Variants in FSTL4 observed in about 807,000 individuals in gnomAD.
FSTL4 encodes the protein follistatin like 4.
Under a neutral mutation model 78.2 loss-of-function variants are expected in FSTL4, and 28 were observed. That is an observed-to-expected ratio of 0.36 (90% CI 0.27 to 0.49). FSTL4 has a LOEUF of 0.49. Among genes scored for constraint, FSTL4 ranks in the 20% least tolerant of loss-of-function variants. The pLI is 0.98. For synonymous variants in FSTL4, 422 were observed against 440.5 expected (o/e 0.96, Z 0.53); for missense variants, 922 against 1,084.9 (o/e 0.85, Z 2.11).
intron 3 of FSTL4, among the ~76,000 whole-genome samples, chr5:133,434,645 GA>G (rs1031832459): frequency 6.6e-6 from 1 of 152,006 alleles, no homozygotes; most frequent in African/African-American, 2.4e-5. Context: ...TGGAATTACT[GA>G]ATCAAAAGCA....
chr5:133,643,938 T>C, the FSTL4 span, among the ~76,000 whole-genome samples: 2 of 146,854 alleles, frequency 1.4e-5, no homozygotes, highest in South Asian at 2.2e-4. Context: ...GATGAAACTG[T>C]TCTTATGTTA....
intron 4 of FSTL4, among the ~76,000 whole-genome samples, chr5:133,320,727 G>T (rs1001032495): frequency 2.0e-5 from 3 of 152,120 alleles, no homozygotes; most frequent in Non-Finnish European, 4.4e-5. Context: ...CCAATCATTG[G>T]CTGGGCGTGG....
chr5:133,667,647 T>C, the FSTL4 span, among the ~76,000 whole-genome samples: 3 of 152,322 alleles, frequency 2.0e-5, no homozygotes, highest in Admixed American at 2.0e-4. Context: ...TGCAAGGCAC[T>C]CTCACCTCAT....
At chr5:133,223,294 T>A (rs1204234740) in intron 11 of FSTL4, among the ~76,000 whole-genome samples, 1 of 152,244 alleles carries the variant, frequency 6.6e-6, no homozygotes, top group Non-Finnish European at 1.5e-5. Flanking sequence ...TCAGCTTTAG[T>A]TCCTGACGTT....
intron 3 of FSTL4, among the ~76,000 whole-genome samples, chr5:133,434,644 T>C (rs977623282): frequency 6.6e-6 from 1 of 152,164 alleles, no homozygotes; most frequent in African/African-American, 2.4e-5. Flanking sequence ...GTGGAATTAC[T>C]GAATCAAAAG....
chr5:133,548,894 C>T (rs548796141), intron 3 of FSTL4, among the ~76,000 whole-genome samples: 1 of 152,156 alleles, frequency 6.6e-6, no homozygotes, highest in Non-Finnish European at 1.5e-5. Flanking sequence ...GTTAATAGGT[C>T]TAAAATTCTA....
At chr5:133,524,141 C>T (rs1759040450) in intron 3 of FSTL4, among the ~76,000 whole-genome samples, 1 of 152,096 alleles carries the variant, frequency 6.6e-6, no homozygotes. Flanking sequence ...GTGTGTCCTG[C>T]TTGAGGGGCA....
chr5:133,431,961 T>C (rs1195351174), intron 3 of FSTL4, among the ~76,000 whole-genome samples: 1 of 152,196 alleles, frequency 6.6e-6, no homozygotes, highest in Non-Finnish European at 1.5e-5. Context: ...CTCATTTATA[T>C]GCAAAATCCA....
chr5:133,697,018 C>T, the FSTL4 span, among the ~76,000 whole-genome samples: 1 of 152,180 alleles, frequency 6.6e-6, no homozygotes, highest in African/African-American at 2.4e-5. Context: ...GCCGCAGTGC[C>T]CGAAACACAG....
chr5:133,222,620 TCTGGGCTGAGTGCAGTAC>T (rs752124002), intron 11 of FSTL4, among the ~76,000 whole-genome samples: 7 of 152,160 alleles, frequency 4.6e-5, no homozygotes, highest in Non-Finnish European at 8.8e-5. Context: ...GTAGCTACAT[TCTGGGCTGAGTGCAGTAC>T]CTTGGCCTTG....
the FSTL4 span, among the ~76,000 whole-genome samples, chr5:133,743,429 A>G: frequency 6.6e-6 from 1 of 152,244 alleles, no homozygotes; most frequent in African/African-American, 2.4e-5. Flanking sequence ...GTCACAGACC[A>G]GGGGCTGAAC....
At chr5:133,648,963 C>T in the FSTL4 span, among the ~76,000 whole-genome samples, 1 of 152,172 alleles carries the variant, frequency 6.6e-6, no homozygotes, top group Non-Finnish European at 1.5e-5. Flanking sequence ...CATGTATCCA[C>T]TATTATAGTA....
At chr5:133,733,562 T>G in the FSTL4 span, among the ~76,000 whole-genome samples, 8 of 152,254 alleles carry the variant, frequency 5.3e-5, no homozygotes, top group Non-Finnish European at 1.2e-4. Context: ...ATCCAGATGG[T>G]GGGACATTCT....
At chr5:133,381,270 G>A (rs1226293014) in intron 4 of FSTL4, among the ~76,000 whole-genome samples, 1 of 152,234 alleles carries the variant, frequency 6.6e-6, no homozygotes, top group Admixed American at 6.5e-5. Flanking sequence ...GCTGTCAACA[G>A]CAGAATGGAT....
chr5:133,340,920 C>G (rs1009886800), intron 4 of FSTL4, among the ~76,000 whole-genome samples: 1 of 152,006 alleles, frequency 6.6e-6, no homozygotes, highest in African/African-American at 2.4e-5. Flanking sequence ...AGAAGAGAGC[C>G]TCCTGAGACA....
At chr5:133,794,483 C>T in the FSTL4 span, among the ~76,000 whole-genome samples, 1 of 152,220 alleles carries the variant, frequency 6.6e-6, no homozygotes, top group Admixed American at 6.5e-5. Context: ...CTGTTCAACC[C>T]ACAGCAGACC....
At chr5:133,511,889 C>T (rs1456242122) in intron 3 of FSTL4, among the ~76,000 whole-genome samples, 1 of 152,194 alleles carries the variant, frequency 6.6e-6, no homozygotes, top group African/African-American at 2.4e-5. Flanking sequence ...CAGAGCTGAG[C>T]GTCATTCAAG....
chr5:133,424,812 A>G (rs995211743), intron 3 of FSTL4, among the ~76,000 whole-genome samples: 15 of 152,222 alleles, frequency 9.9e-5, no homozygotes, highest in African/African-American at 3.6e-4. Flanking sequence ...TCCCATCTGG[A>G]AAATGGGAGA....
chr5:133,444,503 T>C (rs1757221139), intron 3 of FSTL4, among the ~76,000 whole-genome samples: 1 of 152,194 alleles, frequency 6.6e-6, no homozygotes. Flanking sequence ...TGCAGGGTGA[T>C]CAAAAAAGGT....
Sources: allele counts gnomAD v4.1 joint callset (sites outside exome capture counted in the v4.1 genomes callset), GRCh38; gene constraint gnomAD v4.1.1; transcripts MANE v1.5; gene names NCBI Gene and HGNC (gene_info 2026-07-23, HGNC 2026-07-21).